Variants in RMDN2 observed in about 807,000 individuals in gnomAD.
RMDN2 encodes regulator of microtubule dynamics 2.
RMDN2 carries 61 observed loss-of-function variants against 52.8 expected under a neutral mutation model. That is an observed-to-expected ratio of 1.16 (90% CI 0.94 to 1.43). The LOEUF (loss-of-function observed/expected upper bound fraction) is 1.43, where lower values mean the gene tolerates loss of function less well. RMDN2 is among the 40% of genes most tolerant of loss of function. The pLI, the probability that RMDN2 is intolerant of heterozygous loss-of-function variation, is 0.00. For synonymous variants in RMDN2, 180 were observed against 153.1 expected (o/e 1.18, Z -1.30); for missense variants, 592 against 475.3 (o/e 1.25, Z -2.28).
At chr2:38,057,115 A>T (rs1681880723) in intron 10 of RMDN2, among the ~76,000 whole-genome samples, 1 of 152,206 alleles carries the variant, frequency 6.6e-6, no homozygotes, top group Non-Finnish European at 1.5e-5. Context: ...GTCAACCATA[A>T]AGTGCTTTAG....
At chr2:37,939,323 T>G (rs1267922398) in intron 2 of RMDN2, among the ~76,000 whole-genome samples, 1 of 152,214 alleles carries the variant, frequency 6.6e-6, no homozygotes, top group African/African-American at 2.4e-5. Context: ...ATGTGGTTGA[T>G]TTTGGAATAA....
At chr2:37,939,062 T>C (rs1438263206) in intron 2 of RMDN2, among the ~76,000 whole-genome samples, 1 of 152,226 alleles carries the variant, frequency 6.6e-6, no homozygotes, top group Non-Finnish European at 1.5e-5. Flanking sequence ...TAATCACTGC[T>C]TTAGCTGTGT....
chr2:37,986,818 C>T (rs1473191674), intron 5 of RMDN2, among the ~76,000 whole-genome samples: 1 of 151,832 alleles, frequency 6.6e-6, no homozygotes, highest in Non-Finnish European at 1.5e-5. Flanking sequence ...TATCAATTTT[C>T]CTCAACTTGA....
At chr2:37,923,426 T>C (rs975352231), upstream of RMDN2, 4 of 152,196 alleles carry the variant, frequency 2.6e-5, no homozygotes, top group Non-Finnish European at 5.9e-5. Flanking sequence ...TTCTGTGCAA[T>C]GTGCTGGGGA....
chr2:37,951,204 T>G, intron 2 of RMDN2: 1 of 1,519,806 alleles, frequency 6.6e-7, no homozygotes, highest in Non-Finnish European at 8.7e-7. Flanking sequence ...CTATTTTTTT[T>G]CCTCATTTGA....
At chr2:38,020,200 G>A (rs1679240046), downstream of RMDN2, among the ~76,000 whole-genome samples, 1 of 152,080 alleles carries the variant, frequency 6.6e-6, no homozygotes, top group Non-Finnish European at 1.5e-5. Flanking sequence ...TATTATTACA[G>A]TGTAATATAT....
Position 37,929,483 on chromosome 2 carries a change from A to C in RMDN2, c.206A>C (p.Gln69Pro). 1 of 1,551,708 alleles carries C rather than the reference A, an allele frequency of 6.4e-7. No homozygotes were observed. Among genetic ancestry groups the C allele is most frequent in the South Asian group, 1.2e-5 (1 of 84,056 alleles). Reference protein sequence around the residue: ...HDDQGTTVIFQERQLQILEKL... With the variant: ...HDDQGTTVIFPERQLQILEKL... ...GACCAAGGAACAACAGTAATCTTTCAAGAAAGGCAACTTCAGATACTGGAG... is the reference window on the plus strand; with the variant it reads ...GACCAAGGAACAACAGTAATCTTTCCAGAAAGGCAACTTCAGATACTGGAG... The change falls in exon 2 of 11, where the codon CAA (glutamine) becomes CCA (proline). Residue 69 changes from glutamine to proline, a missense_variant. Coordinates refer to ENST00000354545, the MANE Select transcript of RMDN2 (RefSeq NM_001170791.3).
intron 10 of RMDN2, among the ~76,000 whole-genome samples, chr2:38,025,104 C>T (rs1401026597): frequency 6.6e-6 from 1 of 152,110 alleles, no homozygotes; most frequent in African/African-American, 2.4e-5. Flanking sequence ...TGATCAATTT[C>T]AATTGACATC....
At chr2:38,057,854 C>T (rs559459986) in intron 10 of RMDN2, among the ~76,000 whole-genome samples, 4 of 152,312 alleles carry the variant, frequency 2.6e-5, no homozygotes, top group African/African-American at 9.6e-5. Flanking sequence ...CCTTCTGCCA[C>T]GATTGTCAGT....
At chr2:37,952,285 T>C (rs759755411) in intron 2 of RMDN2, 4 of 1,251,898 alleles carry the variant, frequency 3.2e-6, no homozygotes, top group African/African-American at 1.5e-5. Context: ...AGAATTCATT[T>C]CTCATAACTC....
At chr2:37,951,152 A>T (rs1305303165) in intron 2 of RMDN2, 3 of 1,326,634 alleles carry the variant, frequency 2.3e-6, no homozygotes, top group Admixed American at 2.3e-5. Context: ...CAAAAGGTGG[A>T]TATTATTCTT....
intron 10 of RMDN2, among the ~76,000 whole-genome samples, chr2:38,053,678 T>G (rs1256719883): frequency 6.6e-6 from 1 of 152,218 alleles, no homozygotes; most frequent in Admixed American, 6.5e-5. Flanking sequence ...TATAAACGTT[T>G]CTATGCTAAG....
chr2:37,998,013 A>G (rs994247943), intron 8 of RMDN2: 5 of 166,610 alleles, frequency 3.0e-5, no homozygotes, highest in Non-Finnish European at 5.1e-5. Context: ...CCAAATCAGT[A>G]TTCTCAATCC....
intron 10 of RMDN2, among the ~76,000 whole-genome samples, chr2:38,005,834 A>G (rs1400400605): frequency 6.6e-6 from 1 of 152,208 alleles, no homozygotes; most frequent in African/African-American, 2.4e-5. Context: ...TTATGGTTTT[A>G]GGTCTAACAT....
chr2:37,927,808 A>C lies in RMDN2; in HGVS notation c.-16-1454A>C, dbSNP rs1572664277. On this transcript the variant is annotated intron_variant, in intron 1 of 10. Coordinates refer to ENST00000354545, the MANE Select transcript of RMDN2 (RefSeq NM_001170791.3). ...TCAAGATAATTTAGTTTTGTGATAC[A>C]ATTTTTTTGTAGAATACATTTACAC... Among the ~76,000 whole-genome samples the C allele has an allele frequency of 2.0e-5, 3 of 152,200 alleles. No individual in the cohort carries two copies. The East Asian group carries it at 5.8e-4, about 29-fold the overall frequency.
chr2:37,979,649 G>C (rs1221427813), intron 4 of RMDN2, among the ~76,000 whole-genome samples: 5 of 152,138 alleles, frequency 3.3e-5, no homozygotes, highest in African/African-American at 1.2e-4. Flanking sequence ...TAATCGATAT[G>C]AATGCATCAT....
chr2:38,065,017 T>G lies in RMDN2; in HGVS notation c.1714-1965T>G, dbSNP rs141948465. ...TATGGCATGCATTACAAAGTTTACA[T>G]AGGAGGGCAAGTAAACACATACCAA... On this transcript the variant is annotated intron_variant, in intron 10 of 10. Coordinates refer to the RMDN2 transcript ENST00000234195. Among the ~76,000 whole-genome samples, 175 of 152,248 alleles carry G rather than the reference T, an allele frequency of 1.1e-3. 1 individual carries two copies. In the Middle Eastern group the frequency reaches 0.014, roughly 12 times the overall value.
intron 2 of RMDN2, among the ~76,000 whole-genome samples, chr2:37,931,327 A>G (rs560964079): frequency 2.6e-5 from 4 of 152,376 alleles, no homozygotes; most frequent in Admixed American, 2.6e-4. Context: ...AATAATGACA[A>G]AAATCCCAGT....
chr2:38,033,568 AT>A (rs1573189878), intron 10 of RMDN2, among the ~76,000 whole-genome samples: 3 of 152,300 alleles, frequency 2.0e-5, no homozygotes, highest in South Asian at 4.1e-4. Flanking sequence ...CCAATTCTAT[AT>A]TTTTTGAATT....
Sources: allele counts gnomAD v4.1 joint callset (sites outside exome capture counted in the v4.1 genomes callset), GRCh38; gene constraint gnomAD v4.1.1; transcripts MANE v1.5; gene names NCBI Gene and HGNC (gene_info 2026-07-23, HGNC 2026-07-21).